The following NDST1 variants were observed in gnomAD, a reference collection of about 807,000 sequenced individuals.
The protein encoded by NDST1 is N-deacetylase and N-sulfotransferase 1, also known as bifunctional heparan sulfate N-deacetylase/N-sulfotransferase 1.
In NDST1, 35 loss-of-function variants were observed where a neutral mutation model predicts 92.8. That is an observed-to-expected ratio of 0.38 (90% CI 0.29 to 0.50). The LOEUF is 0.50. Ranked by LOEUF, NDST1 falls within the 20% of genes least tolerant of loss-of-function variation. The probability of loss-of-function intolerance (pLI) is 0.94; values close to 1 mark genes in which losing one functional copy is unlikely to be tolerated. For missense variants in NDST1, 822 were observed against 1,182.7 expected (o/e 0.69, Z 4.47); for synonymous variants, 493 against 500.3 (o/e 0.99, Z 0.19).
chr5:150,551,716 AG>A, intron 13 of NDST1, 36 bp from the exon 14 acceptor site: 1 of 1,608,102 alleles, frequency 6.2e-7, no homozygotes, highest in Non-Finnish European at 8.5e-7. Context: ...TGGGTGGCTG[AG>A]CCAGCTCCCA....
chr5:150,553,250 A>G lies in NDST1; in HGVS notation c.2567A>G (p.Asn856Ser), dbSNP rs965472851. Residue 856 changes from asparagine (N) to serine (S), a missense_variant, in exon 15 of 15, where the codon AAC becomes AGC. Asn to Ser is a conservative substitution (Grantham distance 46). Transcript: ENST00000261797. The surrounding 1 kb of genome is among the most constrained non-coding windows in gnomAD (Gnocchi z 4.2). ...AFLKDYYRDH[N>S]IELSKLLYKM... The stretch of plus-strand genomic sequence containing the variant: ...CTGAAGGACTATTACCGGGACCACA[A>G]CATCGAGCTCTCCAAGCTGCTGTAT... 11 of 1,613,706 alleles carry G rather than the reference A, an allele frequency of 6.8e-6. No homozygotes were observed. The highest frequency in any genetic ancestry group is 4.0e-5 in the African/African-American group (3 of 74,898).
intron 12 of NDST1, 29 bp downstream of exon 12, chr5:150,548,417 G>T (rs759388803): frequency 4.4e-6 from 7 of 1,604,344 alleles, no homozygotes; most frequent in Non-Finnish European, 5.9e-6. Flanking sequence ...CCTTGTGAGG[G>T]CAGTCACAGT....
chr5:150,530,438 T>A (rs1304376350), intron 3 of NDST1, among the ~76,000 whole-genome samples: 2 of 152,030 alleles, frequency 1.3e-5, no homozygotes, highest in African/African-American at 4.8e-5. Context: ...GTCTGTCCAG[T>A]GAGTTCTGGA....
intron 13 of NDST1, 87 bp from the exon 14 acceptor site, chr5:150,551,666 C>A: frequency 6.6e-7 from 1 of 1,519,040 alleles, no homozygotes; most frequent in Non-Finnish European, 9.0e-7. Context: ...CTGGTCTCTG[C>A]CATTCCTGGG....
At chr5:150,502,763 C>T (rs1046353197) in intron 1 of NDST1, among the ~76,000 whole-genome samples, 1 of 151,952 alleles carries the variant, frequency 6.6e-6, no homozygotes, top group African/African-American at 2.4e-5. Context: ...AGCCTTTCTG[C>T]CTGGCATGCC....
At chr5:150,532,568 AGT>A (rs763731495) in intron 3 of NDST1, among the ~76,000 whole-genome samples, 15 of 151,834 alleles carry the variant, frequency 9.9e-5, no homozygotes, top group Non-Finnish European at 2.2e-4. Flanking sequence ...CCCAGGCTGG[AGT>A]GATCTTGGCT....
Position 150,527,802 on chromosome 5 carries a change from A to T in NDST1, c.514-2A>T. On this transcript the variant is annotated splice_acceptor_variant, in intron 2 of 14. Coordinates refer to ENST00000261797, the MANE Select transcript of NDST1 (RefSeq NM_001543.5). LOFTEE classifies it high-confidence loss of function. ...CCCCTTCCTGCCCTCCATTGACTGC[A>T]GGCCAATGAGAACAGCCTGCTGAGT... 1 of 1,613,684 alleles carries T rather than the reference A, an allele frequency of 6.2e-7. No homozygotes were observed. Among genetic ancestry groups the T allele is most frequent in the Non-Finnish European group, 8.5e-7 (1 of 1,180,032 alleles).
intron 1 of NDST1, among the ~76,000 whole-genome samples, chr5:150,511,803 A>T (rs533509655): frequency 6.6e-6 from 1 of 152,078 alleles, no homozygotes; most frequent in Non-Finnish European, 1.5e-5. Context: ...TCGGCCTCCC[A>T]GGGATGTAAT....
intron 6 of NDST1, among the ~76,000 whole-genome samples, chr5:150,536,599 A>C (rs1755002253): frequency 6.8e-6 from 1 of 147,662 alleles, no homozygotes; most frequent in African/African-American, 2.5e-5. Flanking sequence ...ACAGAGTTTC[A>C]CTCTTATCTA....
At chr5:150,529,731 G>A (rs1163690601) in intron 3 of NDST1, among the ~76,000 whole-genome samples, 1 of 152,218 alleles carries the variant, frequency 6.6e-6, no homozygotes, top group Non-Finnish European at 1.5e-5. Context: ...TAGGAGATTA[G>A]CAAGTGTTAG....
chr5:150,521,586 A>G lies in NDST1; in HGVS notation c.332A>G (p.Tyr111Cys). ...VAILESSRFK[Y>C]RTEIAPGKGD... ...ATCCTGGAGTCCAGCCGCTTCAAAT[A>G]CCGCACAGAGATTGCGCCGGGCAAG... The change falls in exon 2 of 15, where the codon TAC becomes TGC. Residue 111 changes from tyrosine to cysteine, a missense_variant. Physicochemically the swap from Tyr to Cys is radical, Grantham distance 194 (BLOSUM62 -2). Transcript: ENST00000261797. This position sits in a 1 kb window ranked among gnomAD's most constrained non-coding sequence, Gnocchi z 5.9. The G allele has an allele frequency of 1.2e-6, 2 of 1,613,954 alleles. No homozygotes were observed. The highest frequency in any genetic ancestry group is 1.7e-6 in the Non-Finnish European group (2 of 1,180,008).
intron 14 of NDST1, among the ~76,000 whole-genome samples, chr5:150,552,231 A>C (rs79141975): frequency 0.025 from 3,850 of 152,184 alleles, 146 homozygotes; most frequent in East Asian, 0.16. Flanking sequence ...GGAATTCAGA[A>C]CAAGGGGATG....
At chr5:150,512,283 G>T (rs888923857) in intron 1 of NDST1, among the ~76,000 whole-genome samples, 1 of 152,160 alleles carries the variant, frequency 6.6e-6, no homozygotes, top group African/African-American at 2.4e-5. Flanking sequence ...GGTCCACAGA[G>T]GGCATTGTCA....
chr5:150,546,204 G>C (rs1438911075), intron 11 of NDST1, among the ~76,000 whole-genome samples: 1 of 151,992 alleles, frequency 6.6e-6, no homozygotes, highest in Non-Finnish European at 1.5e-5. Flanking sequence ...CACCATGTTG[G>C]CCAGGCTGGT....
At chr5:150,527,755 T>C in intron 2 of NDST1, 49 bp from the exon 3 acceptor site, 1 of 1,607,816 alleles carries the variant, frequency 6.2e-7, no homozygotes, top group Non-Finnish European at 8.5e-7. Context: ...TCCTTTGGGG[T>C]TCTGGATGTG....
intron 3 of NDST1, among the ~76,000 whole-genome samples, chr5:150,531,761 G>A (rs1276516593): frequency 1.3e-5 from 2 of 150,358 alleles, no homozygotes; most frequent in Non-Finnish European, 3.0e-5. Context: ...AGCCTCCCAG[G>A]GTGCTGGGAT....
In NDST1 at chr5:150,548,321, G is replaced by A. The variant is rs141752622; in HGVS notation, c.2249G>A (p.Arg750His). ...ASSKLRALQN[R>H]CLVPGWYATH... ...TCGAAGCTGCGTGCCCTCCAGAACC[G>A]CTGCCTGGTCCCTGGCTGGTACGCC... The change falls in exon 12 of 15, where the codon CGC (arginine) becomes CAC (histidine). Residue 750 changes from arginine (R) to histidine (H), a missense_variant. Transcript: ENST00000261797. 1.1e-5 allele frequency: 18 copies of A among 1,613,894 alleles called. No homozygotes were observed. Among genetic ancestry groups the A allele is most frequent in the African/African-American group, 1.1e-4 (8 of 74,914 alleles).
Position 150,554,112 on chromosome 5 carries a change from C to T in NDST1, c.*780C>T. ...CCAGGGGTCTGCCAGTAACATGTTC[C>T]CATGTACAGACACGGTCCCCACACC... is the stretch of plus-strand genomic sequence containing the variant. On this transcript the variant is annotated 3_prime_UTR_variant, in exon 15 of 15. Transcript: ENST00000261797. The T allele has an allele frequency of 2.5e-6, 1 of 400,696 alleles. No individual in the cohort carries two copies. Among genetic ancestry groups the T allele is most frequent in the Non-Finnish European group, 4.4e-6 (1 of 227,344 alleles). 24.8% of individuals were successfully genotyped at this position (400,696 alleles called of 1,614,324 possible).
intron 1 of NDST1, among the ~76,000 whole-genome samples, chr5:150,501,302 G>A (rs1753218322): frequency 6.6e-6 from 1 of 152,184 alleles, no homozygotes; most frequent in South Asian, 2.1e-4. Flanking sequence ...GCCTTGGATG[G>A]ATGCTGGAAA....
Sources: gnomAD v4.1 joint callset for allele counts (sites outside exome capture counted in the v4.1 genomes callset) on GRCh38, gnomAD v4.1.1 for gene constraint, Gnocchi (gnomAD v3.1) non-coding constraint, MANE v1.5 for transcripts, NCBI Gene and HGNC (gene_info 2026-07-23, HGNC 2026-07-21) for gene names.